The following SATB2 variants were observed in gnomAD, a reference collection of about 807,000 sequenced individuals.
The protein encoded by SATB2 is DNA-binding protein SATB2.
In SATB2, 1 loss-of-function variant was observed where a neutral mutation model predicts 73.4. That is an observed-to-expected ratio of 0.01 (90% CI 0.00 to 0.06). The LOEUF (loss-of-function observed/expected upper bound fraction) is 0.06, where lower values mean the gene tolerates loss of function less well. Ranked by LOEUF, SATB2 falls within the 10% of genes least tolerant of loss-of-function variation. SATB2 has a pLI of 1.00. For missense variants in SATB2, 459 were observed against 945.8 expected, an observed-to-expected ratio of 0.49 and a Z score of 6.75; for synonymous variants, 397 against 367.0, an observed-to-expected ratio of 1.08 and a Z score of -0.93.
intron 10 of SATB2, among the ~76,000 whole-genome samples, chr2:199,300,666 G>C (rs1687262392): frequency 6.6e-6 from 1 of 152,118 alleles, no homozygotes; most frequent in Non-Finnish European, 1.5e-5. Flanking sequence ...TGGACAAAGT[G>C]CCTTCTACTC....
chr2:199,417,802 A>C (rs1691038589), intron 3 of SATB2, among the ~76,000 whole-genome samples: 1 of 152,236 alleles, frequency 6.6e-6, no homozygotes, highest in South Asian at 2.1e-4. Context: ...AGGGGAAAGA[A>C]GCAATGTAGT....
At chr2:199,289,963 C>G (rs545020609) in intron 10 of SATB2, among the ~76,000 whole-genome samples, 3 of 152,240 alleles carry the variant, frequency 2.0e-5, no homozygotes, top group Non-Finnish European at 2.9e-5. Flanking sequence ...CCTGTCACAG[C>G]CAACCGAACA....
chr2:199,337,056 A>C (rs187151896), intron 7 of SATB2, among the ~76,000 whole-genome samples: 4 of 152,322 alleles, frequency 2.6e-5, no homozygotes, highest in Admixed American at 6.5e-5. Context: ...ATGAATAAAT[A>C]CATAAACATC....
At chr2:199,322,225 T>C (rs1687911787) in intron 9 of SATB2, among the ~76,000 whole-genome samples, 1 of 152,254 alleles carries the variant, frequency 6.6e-6, no homozygotes, top group Non-Finnish European at 1.5e-5. Context: ...CTTTGATATT[T>C]ACATCAAGTC....
intron 9 of SATB2, 98 bp from the exon 10 acceptor site, chr2:199,309,055 T>G: frequency 9.8e-7 from 1 of 1,022,366 alleles, no homozygotes; most frequent in Non-Finnish European, 1.5e-6. Context: ...CATCTTTTTC[T>G]GTCAAAATTG....
chr2:199,374,148 A>G (rs1285485473), intron 5 of SATB2, among the ~76,000 whole-genome samples: 1 of 152,226 alleles, frequency 6.6e-6, no homozygotes, highest in Non-Finnish European at 1.5e-5. Context: ...CATGAACGCC[A>G]TACCATTGTC....
At chr2:199,465,965 C>T (rs940379891), upstream of SATB2, among the ~76,000 whole-genome samples, 15 of 152,260 alleles carry the variant, frequency 9.9e-5, no homozygotes, top group East Asian at 1.7e-3. Flanking sequence ...AGGAACCCAC[C>T]CAAACCTGTG....
chr2:199,350,168 CT>C (rs1335376871), intron 6 of SATB2, among the ~76,000 whole-genome samples: 2 of 152,070 alleles, frequency 1.3e-5, no homozygotes, highest in African/African-American at 4.8e-5. Flanking sequence ...GAAATTATTT[CT>C]TATAATTGCA....
chr2:199,346,128 A>G (rs113693105), intron 7 of SATB2, among the ~76,000 whole-genome samples: 60 of 152,140 alleles, frequency 3.9e-4, no homozygotes, highest in African/African-American at 1.4e-3. Flanking sequence ...AACCATTAAC[A>G]AAAACTTATT....
At chr2:199,320,554 C>T (rs1251804526) in intron 9 of SATB2, among the ~76,000 whole-genome samples, 1 of 152,088 alleles carries the variant, frequency 6.6e-6, no homozygotes, top group Non-Finnish European at 1.5e-5. Context: ...TAGAGCTGAG[C>T]TGCAGGAGGT....
At position 199,276,165 on chromosome 2, in the gene SATB2, T is replaced by C. The variant is rs983504560; in HGVS notation, c.1741-3493A>G. Among the ~76,000 whole-genome samples, 8 of 152,320 alleles carry C rather than the reference T, an allele frequency of 5.3e-5. No individual in the cohort carries two copies. The East Asian group carries it at 1.5e-3, about 29-fold the overall frequency. On this transcript the variant is annotated intron_variant, in intron 10 of 10. Transcript: ENST00000417098. ...TGAGTGAAAGGAGAGCAGTACCTAA[T>C]GCCTATAAGATGGTCTTCTCTAGGC... is the stretch of plus-strand genomic sequence containing the variant.
At chr2:199,340,217 C>T (rs1051193427) in intron 7 of SATB2, among the ~76,000 whole-genome samples, 2 of 152,142 alleles carry the variant, frequency 1.3e-5, no homozygotes, top group African/African-American at 4.8e-5. Flanking sequence ...AATGATGTGG[C>T]TTTGATGAGT....
intron 3 of SATB2, among the ~76,000 whole-genome samples, chr2:199,405,971 T>G (rs1477605427): frequency 1.3e-5 from 2 of 152,104 alleles, no homozygotes; most frequent in Non-Finnish European, 2.9e-5. Context: ...GATTAAAAAT[T>G]TTAAGTAAAT....
chr2:199,384,298 G>C (rs1192595701), intron 3 of SATB2, among the ~76,000 whole-genome samples: 2 of 152,184 alleles, frequency 1.3e-5, no homozygotes, highest in African/African-American at 4.8e-5. Context: ...CAGGCAATGG[G>C]AAGTGTGTGC....
At chr2:199,284,164 A>G (rs2121377) in intron 10 of SATB2, among the ~76,000 whole-genome samples, 141,925 of 152,264 alleles carry the variant, frequency 0.93, 66,999 homozygotes, top group Non-Finnish European at 1. Flanking sequence ...TAGTTTCCCA[A>G]TACTTAACTT....
chr2:199,273,817 A>G (rs1692231293), intron 10 of SATB2, among the ~76,000 whole-genome samples: 1 of 152,178 alleles, frequency 6.6e-6, no homozygotes, highest in South Asian at 2.1e-4. Context: ...TTAATAAAAA[A>G]GCAAAATCTT....
intron 2 of SATB2, among the ~76,000 whole-genome samples, chr2:199,447,166 C>A (rs1691988427): frequency 6.6e-6 from 1 of 152,116 alleles, no homozygotes; most frequent in Admixed American, 6.5e-5. Flanking sequence ...AAATACAGCC[C>A]AGAGTGAGGC....
chr2:199,276,553 T>G (rs1692318846), intron 10 of SATB2, among the ~76,000 whole-genome samples: 1 of 152,158 alleles, frequency 6.6e-6, no homozygotes, highest in Non-Finnish European at 1.5e-5. Context: ...AATTTTTTTG[T>G]TAATTAATAT....
chr2:199,424,171 C>G (rs1266980279), intron 3 of SATB2, among the ~76,000 whole-genome samples: 2 of 152,216 alleles, frequency 1.3e-5, no homozygotes, highest in Non-Finnish European at 1.5e-5. Flanking sequence ...TTTGAGCAAG[C>G]AAGTGGCACG....
Sources: allele counts gnomAD v4.1 joint callset (sites outside exome capture counted in the v4.1 genomes callset), GRCh38; gene constraint gnomAD v4.1.1; transcripts MANE v1.5; gene names NCBI Gene and HGNC (gene_info 2026-07-23, HGNC 2026-07-21).